The following FRK variants were observed in gnomAD, a reference collection of about 807,000 sequenced individuals.
FRK encodes the protein fyn related Src family tyrosine kinase.
FRK carries 51 observed loss-of-function variants against 56.4 expected under a neutral mutation model. The observed-to-expected ratio is 0.90, with a 90% confidence interval of 0.72 to 1.14. The LOEUF (loss-of-function observed/expected upper bound fraction) is 1.14, where lower values mean the gene tolerates loss of function less well. Among genes scored for constraint, FRK ranks in the 50% most tolerant of loss-of-function variants. The pLI is 0.00. For synonymous variants in FRK, 245 were observed against 217.9 expected (o/e 1.12, Z -1.10); for missense variants, 570 against 601.4 (o/e 0.95, Z 0.55).
intron 6 of FRK, 126 bp downstream of exon 6, chr6:115,944,117 GA>G: frequency 6.0e-6 from 4 of 666,828 alleles, no homozygotes; most frequent in Non-Finnish European, 9.6e-6. Context: ...TTGGACTACT[GA>G]AGTAGTTTAT....
chr6:115,966,041 A>G (rs1773555474), intron 4 of FRK, among the ~76,000 whole-genome samples: 1 of 35,930 alleles, frequency 2.8e-5, no homozygotes, highest in Admixed American at 4.5e-4. Flanking sequence ...CCTAAAACTT[A>G]AAGTATAATA....
chr6:116,071,965 T>C, the FRK span, among the ~76,000 whole-genome samples: 1 of 152,180 alleles, frequency 6.6e-6, no homozygotes, highest in African/African-American at 2.4e-5. Flanking sequence ...TATAATTTAC[T>C]CAACACATAA....
chr6:116,049,067 A>T (rs1582757424), intron 1 of FRK, among the ~76,000 whole-genome samples: 2 of 152,038 alleles, frequency 1.3e-5, no homozygotes, highest in East Asian at 3.9e-4. Context: ...ATACTTCTCT[A>T]TAACTAGCTT....
chr6:116,039,627 A>G (rs1776635262), intron 1 of FRK: 1 of 757,798 alleles, frequency 1.3e-6, no homozygotes, highest in Non-Finnish European at 2.5e-6. Flanking sequence ...TCCAAACTGT[A>G]CCTTCCTTTA....
chr6:115,948,121 C>G (rs949951364), intron 5 of FRK, among the ~76,000 whole-genome samples: 14 of 152,164 alleles, frequency 9.2e-5, no homozygotes, highest in Non-Finnish European at 1.9e-4. Context: ...TAATCTCCAC[C>G]CTGTTGTTCT....
the FRK span, among the ~76,000 whole-genome samples, chr6:116,074,690 C>T: frequency 2.0e-5 from 3 of 152,092 alleles, no homozygotes; most frequent in South Asian, 6.2e-4. Context: ...AGAAGTCAGA[C>T]GGGAGGAGTC....
chr6:116,005,424 G>A (rs541915784), intron 1 of FRK, among the ~76,000 whole-genome samples: 12 of 152,128 alleles, frequency 7.9e-5, no homozygotes, highest in Non-Finnish European at 1.3e-4. Flanking sequence ...GTGGCGAATC[G>A]CAGGCTGGTT....
At chr6:115,954,009 C>T (rs1772892351) in intron 5 of FRK, among the ~76,000 whole-genome samples, 2 of 152,210 alleles carry the variant, frequency 1.3e-5, no homozygotes, top group South Asian at 2.1e-4. Context: ...AAGAGGAATA[C>T]TTTAAGAGTC....
chr6:116,027,652 AAAGT>A (rs2114753078), intron 1 of FRK, among the ~76,000 whole-genome samples: 1 of 152,282 alleles, frequency 6.6e-6, no homozygotes, highest in East Asian at 1.9e-4. Context: ...AAAATAGCAT[AAAGT>A]AAGAACTATT....
At chr6:116,035,714 T>C (rs1337415588) in intron 1 of FRK, among the ~76,000 whole-genome samples, 1 of 152,122 alleles carries the variant, frequency 6.6e-6, no homozygotes, top group Non-Finnish European at 1.5e-5. Context: ...ATTAGTAGAA[T>C]TAATTCTTAA....
chr6:116,040,085 C>A (rs1309387656), intron 1 of FRK, among the ~76,000 whole-genome samples: 2 of 152,022 alleles, frequency 1.3e-5, no homozygotes, highest in Non-Finnish European at 2.9e-5. Context: ...TTAGAATGCA[C>A]ATGGGGGAAG....
In FRK at chr6:115,938,418, AG is replaced by A. The variant is rs1236776916; in HGVS notation, c.*3995del. On this transcript the variant is annotated 3_prime_UTR_variant, in exon 8 of 8. Transcript: ENST00000606080. Reference sequence around the variant, plus strand: ...CCCTAATATCACAATTAAAAGTACTAGAGAAGCAAGAGCAAACAAATTCAAA... The same window carrying A: ...CCCTAATATCACAATTAAAAGTACTAAGAAGCAAGAGCAAACAAATTCAAA... 6.6e-6 allele frequency: 1 copy of A among 152,244 alleles called. No individual in the cohort carries two copies. The highest frequency in any genetic ancestry group is 1.5e-5 in the Non-Finnish European group (1 of 68,064). The allele number at this position is 152,244 out of a possible 1,614,324, so 9.4% of individuals were successfully genotyped here.
At chr6:116,018,882 A>C (rs2114730383) in intron 1 of FRK, among the ~76,000 whole-genome samples, 1 of 152,288 alleles carries the variant, frequency 6.6e-6, no homozygotes. Flanking sequence ...TATAGATTTG[A>C]AGAGACCTGC....
At chr6:116,092,113 A>T in the FRK span, among the ~76,000 whole-genome samples, 1 of 152,072 alleles carries the variant, frequency 6.6e-6, no homozygotes, top group African/African-American at 2.4e-5. Context: ...TCTAGTATAA[A>T]CTTCAGGACT....
At chr6:116,021,747 A>G (rs1434030296) in intron 1 of FRK, among the ~76,000 whole-genome samples, 1 of 152,080 alleles carries the variant, frequency 6.6e-6, no homozygotes, top group African/African-American at 2.4e-5. Flanking sequence ...TGCTTTTTCA[A>G]AGCCATATAT....
intron 2 of FRK, among the ~76,000 whole-genome samples, chr6:115,992,960 A>G (rs534011009): frequency 1.4e-4 from 21 of 152,014 alleles, no homozygotes; most frequent in African/African-American, 4.8e-4. Flanking sequence ...ATAGAGAACC[A>G]GAAAGGACAT....
chr6:115,945,618 C>T (rs965688722), intron 5 of FRK, among the ~76,000 whole-genome samples: 2 of 152,104 alleles, frequency 1.3e-5, no homozygotes, highest in Non-Finnish European at 2.9e-5. Flanking sequence ...ACTTTTATGG[C>T]TGAGCCAATG....
rs1771967338 is a variant in FRK at position 115,932,115 on chromosome 6, T to A, written c.*10299A>T. ...TCTTATAACATCTCTGTAGATAGTG[T>A]CATCTGAATGTAGATTGAAGCTAAA... On this transcript the variant is annotated 3_prime_UTR_variant, in exon 8 of 8. Transcript: ENST00000606080. The A allele has an allele frequency of 6.6e-6, 1 of 152,212 alleles. No individual in the cohort carries two copies. Among genetic ancestry groups the A allele is most frequent in the East Asian group, 1.9e-4 (1 of 5,196 alleles). 9.4% of individuals were successfully genotyped at this position (152,212 alleles called of 1,614,324 possible).
intron 1 of FRK, among the ~76,000 whole-genome samples, chr6:116,042,502 G>A (rs1296905304): frequency 6.6e-6 from 1 of 152,094 alleles, no homozygotes; most frequent in African/African-American, 2.4e-5. Flanking sequence ...ACAAGCAAAG[G>A]AGCAATAAAA....
Sources: allele counts gnomAD v4.1 joint callset (sites outside exome capture counted in the v4.1 genomes callset), GRCh38; gene constraint gnomAD v4.1.1; transcripts MANE v1.5; gene names NCBI Gene and HGNC (gene_info 2026-07-23, HGNC 2026-07-21).